CTNNA3: variants seen among roughly 807,000 people sequenced by gnomAD.
CTNNA3 encodes the protein catenin alpha 3.
In CTNNA3, 76 loss-of-function variants were observed where a neutral mutation model predicts 95.7. The ratio of observed to expected loss-of-function variants is 0.79; its 90% CI spans 0.66 to 0.96. The LOEUF is 0.96. Ranked by LOEUF, CTNNA3 falls within the 40% of genes least tolerant of loss-of-function variation. CTNNA3 has a pLI of 0.00. For synonymous variants in CTNNA3, 431 were observed against 374.4 expected, an observed-to-expected ratio of 1.15 and a Z score of -1.74; for missense variants, 1,191 against 1,089.8, an observed-to-expected ratio of 1.09 and a Z score of -1.31.
At chr10:67,455,762 T>C (rs1305222725) in intron 5 of CTNNA3, among the ~76,000 whole-genome samples, 2 of 152,112 alleles carry the variant, frequency 1.3e-5, no homozygotes, top group Non-Finnish European at 2.9e-5. Flanking sequence ...GTCAAAGTCA[T>C]GAAAAACTTC....
At chr10:66,921,658 G>A (rs539473225) in intron 7 of CTNNA3, among the ~76,000 whole-genome samples, 1 of 152,232 alleles carries the variant, frequency 6.6e-6, no homozygotes, top group Non-Finnish European at 1.5e-5. Context: ...GTTTGCTCAG[G>A]CCAGTTTCTT....
chr10:66,899,752 C>A (rs2132520487), intron 7 of CTNNA3, among the ~76,000 whole-genome samples: 1 of 152,190 alleles, frequency 6.6e-6, no homozygotes, highest in Admixed American at 6.5e-5. Flanking sequence ...TCACTGCTAG[C>A]ACAGCAGTCT....
At chr10:67,541,636 G>GAC (rs1207384775) in intron 3 of CTNNA3, among the ~76,000 whole-genome samples, 5 of 152,010 alleles carry the variant, frequency 3.3e-5, no homozygotes, top group African/African-American at 1.2e-4. Context: ...ATGCTTAGAT[G>GAC]ACAGCATTCA....
At chr10:67,392,170 A>C (rs1346536456) in intron 5 of CTNNA3, among the ~76,000 whole-genome samples, 3 of 152,216 alleles carry the variant, frequency 2.0e-5, no homozygotes, top group Non-Finnish European at 4.4e-5. Context: ...ACAAAGGGCT[A>C]ATATCCAGAA....
chr10:66,125,762 C>T (rs924978811), intron 13 of CTNNA3, among the ~76,000 whole-genome samples: 6 of 152,162 alleles, frequency 3.9e-5, no homozygotes, highest in Admixed American at 3.3e-4. Context: ...AGGCTACAGA[C>T]TATATGATCC....
intron 5 of CTNNA3, among the ~76,000 whole-genome samples, chr10:67,372,141 G>C (rs1843491461): frequency 6.6e-6 from 1 of 151,936 alleles, no homozygotes; most frequent in Non-Finnish European, 1.5e-5. Context: ...TTTGTCAGAT[G>C]AGTAGATTGC....
At chr10:66,902,700 A>G (rs1403488796) in intron 7 of CTNNA3, among the ~76,000 whole-genome samples, 2 of 152,228 alleles carry the variant, frequency 1.3e-5, no homozygotes, top group Non-Finnish European at 2.9e-5. Context: ...TAAAATGGAT[A>G]TCACCACCGA....
intron 7 of CTNNA3, among the ~76,000 whole-genome samples, chr10:67,016,785 G>T (rs1852686592): frequency 6.6e-6 from 1 of 152,128 alleles, no homozygotes; most frequent in Non-Finnish European, 1.5e-5. Flanking sequence ...CTTTCTTGGA[G>T]ATGACAATAT....
intron 7 of CTNNA3, among the ~76,000 whole-genome samples, chr10:66,903,726 C>T (rs1395528957): frequency 1.3e-5 from 2 of 152,168 alleles, no homozygotes; most frequent in Middle Eastern, 3.2e-3. Context: ...CATTCCCATA[C>T]ACCAATAACA....
At chr10:67,212,256 C>A (rs899353830) in intron 6 of CTNNA3, among the ~76,000 whole-genome samples, 1 of 151,916 alleles carries the variant, frequency 6.6e-6, no homozygotes, top group Non-Finnish European at 1.5e-5. Flanking sequence ...AGCTTTAAAG[C>A]TCCTGATGTG....
chr10:66,293,800 G>A (rs1408148423), intron 12 of CTNNA3, among the ~76,000 whole-genome samples: 1 of 151,638 alleles, frequency 6.6e-6, no homozygotes, highest in Non-Finnish European at 1.5e-5. Context: ...CGAGTAGCTG[G>A]GATTACAGGC....
At chr10:66,925,186 G>A (rs1033864335) in intron 7 of CTNNA3, among the ~76,000 whole-genome samples, 1 of 152,080 alleles carries the variant, frequency 6.6e-6, no homozygotes, top group Admixed American at 6.6e-5. Flanking sequence ...TCTAGCACTC[G>A]CTTGCTGTAT....
intron 7 of CTNNA3, among the ~76,000 whole-genome samples, chr10:67,085,645 G>A (rs866683085): frequency 7.9e-5 from 12 of 151,862 alleles, no homozygotes; most frequent in Admixed American, 2.0e-4. Context: ...TTGAAATAAT[G>A]AGTTAGTTTA....
intron 5 of CTNNA3, among the ~76,000 whole-genome samples, chr10:67,276,603 T>C (rs182317987): frequency 6.6e-6 from 1 of 152,232 alleles, no homozygotes. Context: ...GTGTGATATA[T>C]AAAATACAAA....
chr10:66,859,946 C>T (rs1383412356), intron 7 of CTNNA3, among the ~76,000 whole-genome samples: 1 of 126,548 alleles, frequency 7.9e-6, no homozygotes, highest in African/African-American at 3.1e-5. Context: ...TGTTCTCACT[C>T]ATAGGTGGGA....
chr10:67,181,563 G>A (rs1862545817), intron 6 of CTNNA3, among the ~76,000 whole-genome samples: 1 of 152,058 alleles, frequency 6.6e-6, no homozygotes, highest in Non-Finnish European at 1.5e-5. Flanking sequence ...CAAACACACT[G>A]TGAAGATATT....
chr10:66,112,584 TC>T (rs1468841244), intron 13 of CTNNA3, among the ~76,000 whole-genome samples: 1 of 152,126 alleles, frequency 6.6e-6, no homozygotes, highest in Admixed American at 6.5e-5. Context: ...TATTTATTTA[TC>T]TTGCATAATT....
At chr10:66,428,757 T>C (rs1207363759) in intron 11 of CTNNA3, among the ~76,000 whole-genome samples, 1 of 151,468 alleles carries the variant, frequency 6.6e-6, no homozygotes, top group Non-Finnish European at 1.5e-5. Flanking sequence ...TAAAGCAGTG[T>C]GTAGAGGGAA....
intron 7 of CTNNA3, among the ~76,000 whole-genome samples, chr10:66,880,640 C>G (rs1844808335): frequency 6.6e-6 from 1 of 152,076 alleles, no homozygotes; most frequent in Admixed American, 6.6e-5. Context: ...ACTAACACAT[C>G]ACATTTAGAG....
Sources: allele counts gnomAD v4.1 joint callset (sites outside exome capture counted in the v4.1 genomes callset), GRCh38; gene constraint gnomAD v4.1.1; transcripts MANE v1.5; gene names NCBI Gene and HGNC (gene_info 2026-07-23, HGNC 2026-07-21).